Variants in OR3A2 observed in about 807,000 individuals in gnomAD.
OR3A2 encodes the protein olfactory receptor family 3 subfamily A member 2, also known as olfactory receptor 3A2.
For missense variants in OR3A2, 318 were observed against 392.8 expected (o/e 0.81, Z 1.61); for synonymous variants, 126 against 159.3 (o/e 0.79, Z 1.57).
chr17:3,291,816 C>G (rs763765833), intron 3 of OR3A2: 1 of 1,613,830 alleles, frequency 6.2e-7, no homozygotes, highest in South Asian at 1.1e-5. Context: ...GATACCTGAA[C>G]CATAGAATAT....
intron 3 of OR3A2, among the ~76,000 whole-genome samples, chr17:3,307,079 C>G (rs1042016657): frequency 6.6e-6 from 1 of 152,188 alleles, no homozygotes; most frequent in Admixed American, 6.5e-5. Flanking sequence ...GGGTCAACAA[C>G]TTAGTGTCTG....
chr17:3,322,997 G>A (rs2049138334), intron 3 of OR3A2, among the ~76,000 whole-genome samples: 1 of 152,022 alleles, frequency 6.6e-6, no homozygotes, highest in Non-Finnish European at 1.5e-5. Context: ...ATTATTGTGT[G>A]GGAGTCTAAG....
chr17:3,367,119 A>G (rs1440732078), intron 2 of OR3A2, among the ~76,000 whole-genome samples: 1 of 152,214 alleles, frequency 6.6e-6, no homozygotes, highest in Non-Finnish European at 1.5e-5. Flanking sequence ...AGAGTTTGGG[A>G]AGCAATGACC....
chr17:3,321,449 T>C (rs1473324890), intron 3 of OR3A2, among the ~76,000 whole-genome samples: 2 of 151,574 alleles, frequency 1.3e-5, no homozygotes, highest in South Asian at 4.2e-4. Context: ...GGCATCCCTG[T>C]CTTGTGCCAG....
chr17:3,291,727 G>A (rs751592370), intron 3 of OR3A2: 8 of 1,613,770 alleles, frequency 5.0e-6, no homozygotes, highest in Non-Finnish European at 6.8e-6. Flanking sequence ...TTCAGCATGG[G>A]ATTGATGACA....
At chr17:3,345,514 C>A (rs2049356397) in intron 2 of OR3A2, among the ~76,000 whole-genome samples, 1 of 151,808 alleles carries the variant, frequency 6.6e-6, no homozygotes, top group African/African-American at 2.4e-5. Context: ...TTATAATAAG[C>A]AGCCTTAGAA....
chr17:3,278,984 A>G, intron 1 of OR3A2, 61 bp from the exon 5 acceptor site: 1 of 1,572,238 alleles, frequency 6.4e-7, no homozygotes, highest in Non-Finnish European at 8.6e-7. Flanking sequence ...ATTCAACATT[A>G]ATATTTTAAA....
At chr17:3,356,098 AAC>A (rs2150656668) in intron 2 of OR3A2, among the ~76,000 whole-genome samples, 1 of 151,636 alleles carries the variant, frequency 6.6e-6, no homozygotes, top group South Asian at 2.1e-4. Context: ...CAATCAAACA[AAC>A]ACACAAAAAG....
intron 3 of OR3A2, among the ~76,000 whole-genome samples, chr17:3,329,160 G>C (rs2049205915): frequency 6.6e-6 from 1 of 151,886 alleles, no homozygotes; most frequent in Non-Finnish European, 1.5e-5. Flanking sequence ...AAGGATATTG[G>C]TCTAAAATTC....
At chr17:3,323,222 G>C (rs2049140309) in intron 3 of OR3A2, among the ~76,000 whole-genome samples, 1 of 152,112 alleles carries the variant, frequency 6.6e-6, no homozygotes, top group African/African-American at 2.4e-5. Flanking sequence ...TTGCTTGGTA[G>C]ATCTTCCTCC....
chr17:3,360,616 A>C (rs1255658693), intron 2 of OR3A2, among the ~76,000 whole-genome samples: 2 of 151,766 alleles, frequency 1.3e-5, no homozygotes, highest in Non-Finnish European at 2.9e-5. Context: ...GAAGGGATCC[A>C]GTTTCAGCTT....
intron 1 of OR3A2, 84 bp downstream of exon 1, chr17:3,386,041 A>C: frequency 2.5e-6 from 1 of 398,618 alleles, no homozygotes; most frequent in Non-Finnish European, 4.4e-6. Flanking sequence ...CTATCTGCTC[A>C]ACGCCCTGAG....
intron 3 of OR3A2, among the ~76,000 whole-genome samples, chr17:3,321,072 T>G (rs1294307873): frequency 6.6e-6 from 1 of 152,170 alleles, no homozygotes. Flanking sequence ...TGGTTTGTAG[T>G]TCTCCTTGAA....
At chr17:3,317,873 C>T (rs968139891) in intron 3 of OR3A2, among the ~76,000 whole-genome samples, 1 of 152,076 alleles carries the variant, frequency 6.6e-6, no homozygotes, top group Non-Finnish European at 1.5e-5. Flanking sequence ...ACCACACTAG[C>T]CCTCACTTTC....
chr17:3,302,763 C>T (rs1280157557), intron 3 of OR3A2, among the ~76,000 whole-genome samples: 1 of 152,124 alleles, frequency 6.6e-6, no homozygotes, highest in Non-Finnish European at 1.5e-5. Context: ...TCTGCAGATG[C>T]TTTGCTGTTG....
intron 3 of OR3A2, among the ~76,000 whole-genome samples, chr17:3,333,878 A>G (rs1330170740): frequency 6.6e-6 from 1 of 152,200 alleles, no homozygotes; most frequent in East Asian, 1.9e-4. Context: ...TAATATCCAG[A>G]GTCTACAAGG....
chr17:3,341,956 T>C (rs1410764628), intron 2 of OR3A2, among the ~76,000 whole-genome samples: 1 of 152,216 alleles, frequency 6.6e-6, no homozygotes, highest in Non-Finnish European at 1.5e-5. Context: ...GAAGGCTTTG[T>C]TCGTTTCTTT....
intron 2 of OR3A2, among the ~76,000 whole-genome samples, chr17:3,344,302 T>C (rs1248478098): frequency 7.0e-6 from 1 of 143,484 alleles, no homozygotes. Flanking sequence ...AAAAATACCC[T>C]GAAGAAGAAG....
chr17:3,300,028 G>A (rs1481505408), intron 3 of OR3A2, among the ~76,000 whole-genome samples: 5 of 151,746 alleles, frequency 3.3e-5, no homozygotes, highest in Non-Finnish European at 7.4e-5. Context: ...TGAGGCTCGG[G>A]GAAGTTTAGT....
Sources: gnomAD v4.1 joint callset for allele counts (sites outside exome capture counted in the v4.1 genomes callset) on GRCh38, gnomAD v4.1.1 for gene constraint, MANE v1.5 for transcripts, NCBI Gene and HGNC (gene_info 2026-07-23, HGNC 2026-07-21) for gene names.